The following GRIK4 variants were observed in gnomAD, a reference collection of about 807,000 sequenced individuals.
GRIK4 encodes the protein glutamate ionotropic receptor kainate type subunit 4.
GRIK4 carries 40 observed loss-of-function variants against 104.9 expected under a neutral mutation model. The observed-to-expected ratio is 0.38, with a 90% confidence interval of 0.30 to 0.50. The LOEUF (loss-of-function observed/expected upper bound fraction) is 0.50, where lower values mean the gene tolerates loss of function less well. Among genes scored for constraint, GRIK4 ranks in the 20% least tolerant of loss-of-function variants. The probability of loss-of-function intolerance (pLI) is 0.93; values close to 1 mark genes in which losing one functional copy is unlikely to be tolerated. For missense variants in GRIK4, 1,047 were observed against 1,308.1 expected (o/e 0.80, Z 3.08); for synonymous variants, 485 against 524.9 (o/e 0.92, Z 1.04).
chr11:120,744,803 C>T (rs929084732), intron 3 of GRIK4, among the ~76,000 whole-genome samples: 1 of 151,956 alleles, frequency 6.6e-6, no homozygotes, highest in African/African-American at 2.4e-5. Context: ...TTTGGAAGTG[C>T]AAGGGGAAAA....
chr11:120,920,279 G>A (rs1565439380), intron 13 of GRIK4, among the ~76,000 whole-genome samples: 1 of 152,178 alleles, frequency 6.6e-6, no homozygotes, highest in African/African-American at 2.4e-5. Flanking sequence ...TGGACGCTCT[G>A]TGAGTGTTCG....
chr11:120,570,105 G>C (rs1043373887), intron 1 of GRIK4, among the ~76,000 whole-genome samples: 1 of 152,204 alleles, frequency 6.6e-6, no homozygotes, highest in Non-Finnish European at 1.5e-5. Context: ...GTGAGAGACC[G>C]CCAGGGCGAG....
chr11:120,857,529 C>T (rs1419814435), intron 8 of GRIK4, among the ~76,000 whole-genome samples: 1 of 132,366 alleles, frequency 7.6e-6, no homozygotes, highest in Non-Finnish European at 1.6e-5. Flanking sequence ...CACACACACA[C>T]ACTTTTAAAA....
chr11:120,601,146 C>A lies in GRIK4; in HGVS notation c.-158-52539C>A, dbSNP rs554662149. On this transcript the variant is annotated intron_variant, in intron 1 of 20. Transcript: ENST00000527524. ...AGGGGCTGGGTGTGGTGGCTCACGT[C>A]TGTAATCCCAGCACTTTGGGAGGCC... Among the ~76,000 whole-genome samples, 27 of 152,150 alleles carry A rather than the reference C, an allele frequency of 1.8e-4. 1 individual carries two copies. The South Asian group carries it at 4.1e-3, about 23-fold the overall frequency.
intron 3 of GRIK4, among the ~76,000 whole-genome samples, chr11:120,731,666 A>C (rs980794449): frequency 3.9e-5 from 6 of 152,268 alleles, no homozygotes; most frequent in East Asian, 1.9e-4. Flanking sequence ...GTTTGGTAGA[A>C]TTCAGCAGTA....
intron 13 of GRIK4, among the ~76,000 whole-genome samples, chr11:120,923,111 A>G (rs1189513123): frequency 6.6e-6 from 1 of 152,196 alleles, no homozygotes; most frequent in Non-Finnish European, 1.5e-5. Context: ...AGTGGGACAC[A>G]GGTGGGAGAT....
rs1330057633 is a variant in GRIK4, at chr11:120,940,000, T to A, written c.1477-347T>A. Among the ~76,000 whole-genome samples, 1 of 151,496 alleles carries A rather than the reference T, an allele frequency of 6.6e-6. No individual in the cohort carries two copies. Among genetic ancestry groups the A allele is most frequent in the Non-Finnish European group, 1.5e-5 (1 of 67,912 alleles). On this transcript the variant is annotated intron_variant, in intron 13 of 20. Coordinates refer to ENST00000527524, the MANE Select transcript of GRIK4 (RefSeq NM_014619.5). This position sits in a 1 kb window ranked among gnomAD's most constrained non-coding sequence, Gnocchi z 5.6. ...GTATCCAGAAAAAAAAAAAAAAGTA[T>A]TGAGAATGCAGGAGCCCAATCTGCC...
intron 1 of GRIK4, among the ~76,000 whole-genome samples, chr11:120,554,095 C>T (rs963747846): frequency 6.6e-6 from 1 of 152,158 alleles, no homozygotes; most frequent in Non-Finnish European, 1.5e-5. Flanking sequence ...CACCCCCACC[C>T]ACAGCATCTA....
At chr11:120,590,589 A>G (rs1479606427) in intron 1 of GRIK4, among the ~76,000 whole-genome samples, 1 of 152,152 alleles carries the variant, frequency 6.6e-6, no homozygotes. Context: ...TCAATTGTAG[A>G]GTGAATAAAT....
intron 3 of GRIK4, among the ~76,000 whole-genome samples, chr11:120,667,381 A>C (rs1164277194): frequency 6.6e-6 from 1 of 152,230 alleles, no homozygotes; most frequent in African/African-American, 2.4e-5. Flanking sequence ...CCCTGTGGCC[A>C]CTGATGGCAG....
intron 1 of GRIK4, among the ~76,000 whole-genome samples, chr11:120,606,302 G>A (rs969567724): frequency 2.0e-5 from 3 of 152,110 alleles, no homozygotes; most frequent in Non-Finnish European, 2.9e-5. Context: ...GCTCCTCAGC[G>A]TCTCACTTGA....
rs1943708177 is a variant in GRIK4 at position 120,940,889 on chromosome 11, G to T, written c.1590+429G>T. Among the ~76,000 whole-genome samples the T allele has an allele frequency of 6.6e-6, 1 of 152,210 alleles. No individual in the cohort carries two copies. On this transcript the variant is annotated intron_variant, in intron 14 of 20. Coordinates refer to ENST00000527524, the MANE Select transcript of GRIK4 (RefSeq NM_014619.5). The surrounding 1 kb of genome is among the most constrained non-coding windows in gnomAD (Gnocchi z 4.3). ...TAGATTCCTTCTCTCTCGATGATCT[G>T]TCCTGGAGAATAAATGGTAGATAAT...
At chr11:120,616,615 T>G (rs1949118362) in intron 1 of GRIK4, among the ~76,000 whole-genome samples, 1 of 151,920 alleles carries the variant, frequency 6.6e-6, no homozygotes, top group African/African-American at 2.4e-5. Context: ...TACAGAATGT[T>G]GAGAGGGGAG....
chr11:120,837,530 A>G (rs949275059), intron 8 of GRIK4, among the ~76,000 whole-genome samples: 2 of 152,208 alleles, frequency 1.3e-5, no homozygotes, highest in Non-Finnish European at 2.9e-5. Context: ...CATAGATGAA[A>G]GCCACACATA....
intron 19 of GRIK4, among the ~76,000 whole-genome samples, chr11:120,971,368 G>C (rs961961631): frequency 6.6e-6 from 1 of 152,160 alleles, no homozygotes; most frequent in Non-Finnish European, 1.5e-5. Flanking sequence ...CAAATGAATA[G>C]ATAAATGAAC....
intron 11 of GRIK4, among the ~76,000 whole-genome samples, chr11:120,892,385 T>C (rs1955329389): frequency 6.6e-6 from 1 of 152,154 alleles, no homozygotes; most frequent in Non-Finnish European, 1.5e-5. Flanking sequence ...GATTTGGTAG[T>C]GACGACTGGC....
At chr11:120,971,108 A>G (rs534238466) in intron 19 of GRIK4, among the ~76,000 whole-genome samples, 40 of 152,332 alleles carry the variant, frequency 2.6e-4, no homozygotes, top group African/African-American at 8.4e-4. Flanking sequence ...CTAGGCCTGA[A>G]CGAGCAATTA....
rs1224711614 is a variant in GRIK4, at chr11:120,824,780, C to T, written c.511+4860C>T. Among the ~76,000 whole-genome samples the T allele has an allele frequency of 8.5e-5, 13 of 152,084 alleles. No homozygotes were observed. In the East Asian group the frequency reaches 1.9e-3, roughly 23 times the overall value. On this transcript the variant is annotated intron_variant, in intron 6 of 20. Coordinates refer to ENST00000527524, the MANE Select transcript of GRIK4 (RefSeq NM_014619.5). ...GGCCAGGCTGGTCTCGAACCCCTGACCTCAGGTGATCTGCCTGCCTCGGCC... is the reference window on the plus strand; with the variant it reads ...GGCCAGGCTGGTCTCGAACCCCTGATCTCAGGTGATCTGCCTGCCTCGGCC...
chr11:120,983,219 C>G (rs1944681657), intron 20 of GRIK4, among the ~76,000 whole-genome samples: 1 of 152,136 alleles, frequency 6.6e-6, no homozygotes, highest in Non-Finnish European at 1.5e-5. Flanking sequence ...TGCTCTTTCT[C>G]CAGTCCACCA....
Sources: gnomAD v4.1 joint callset for allele counts (sites outside exome capture counted in the v4.1 genomes callset) on GRCh38, gnomAD v4.1.1 for gene constraint, Gnocchi (gnomAD v3.1) non-coding constraint, MANE v1.5 for transcripts, NCBI Gene and HGNC (gene_info 2026-07-23, HGNC 2026-07-21) for gene names.